The following DYRK1A variants were observed in gnomAD, a reference collection of about 807,000 sequenced individuals.
DYRK1A encodes the protein dual specificity tyrosine-phosphorylation-regulated kinase 1A.
In DYRK1A, 9 loss-of-function variants were observed where a neutral mutation model predicts 79.7. The observed-to-expected ratio is 0.11, with a 90% confidence interval of 0.07 to 0.20. The LOEUF is 0.20. Ranked by LOEUF, DYRK1A falls within the 10% of genes least tolerant of loss-of-function variation. The pLI, the probability that DYRK1A is intolerant of heterozygous loss-of-function variation, is 1.00. For synonymous variants in DYRK1A, 349 were observed against 329.7 expected (o/e 1.06, Z -0.63); for missense variants, 622 against 956.0 (o/e 0.65, Z 4.61).
At chr21:37,437,647 GTTCTT>G (rs2050964261) in intron 2 of DYRK1A, among the ~76,000 whole-genome samples, 1 of 152,052 alleles carries the variant, frequency 6.6e-6, no homozygotes, top group Non-Finnish European at 1.5e-5. Context: ...CCTGGTTTTA[GTTCTT>G]TTGAGAGTCA....
intron 2 of DYRK1A, among the ~76,000 whole-genome samples, chr21:37,464,750 A>G (rs191931588): frequency 5.3e-5 from 8 of 152,322 alleles, no homozygotes; most frequent in African/African-American, 9.6e-5. Context: ...TCAGAAATCT[A>G]TCAGCAGTTT....
intron 2 of DYRK1A, among the ~76,000 whole-genome samples, chr21:37,422,513 A>G (rs969855095): frequency 1.3e-5 from 2 of 152,108 alleles, no homozygotes; most frequent in Non-Finnish European, 2.9e-5. Context: ...GGCATTGTTC[A>G]TGGTACTGGC....
rs2052481365 is a variant in DYRK1A, at chr21:37,478,448, T to TAAAA, written c.300+149_300+150insAAAA. On this transcript the variant is annotated intron_variant, in intron 4 of 11. Transcript: ENST00000647188. ...AAGACTAATGATTTAGAAATAATAT[T>TAAAA]ACAATTATGTAAAAGATATATTAAC... 2.3e-5 allele frequency: 14 copies of TAAAA among 609,448 alleles called. No individual in the cohort carries two copies. In the South Asian group the frequency reaches 3.5e-4, roughly 15 times the overall value. The allele number at this position is 609,448 out of a possible 1,614,324, so 37.8% of individuals were successfully genotyped here.
At chr21:37,401,270 T>C (rs1000361028) in intron 1 of DYRK1A, among the ~76,000 whole-genome samples, 1 of 151,994 alleles carries the variant, frequency 6.6e-6, no homozygotes, top group Non-Finnish European at 1.5e-5. Context: ...ATGTAGTGTT[T>C]AAAAAAAAGA....
At chr21:37,449,199 T>A (rs748788683) in intron 2 of DYRK1A, among the ~76,000 whole-genome samples, 5 of 152,226 alleles carry the variant, frequency 3.3e-5, no homozygotes, top group African/African-American at 4.8e-5. Context: ...AAATGACATT[T>A]AATTATTTGT....
intron 11 of DYRK1A, among the ~76,000 whole-genome samples, chr21:37,507,316 C>G (rs996169221): frequency 6.6e-6 from 1 of 152,182 alleles, no homozygotes. Context: ...CCCTCAGCTC[C>G]GGTGTCTTCA....
At chr21:37,511,302 G>C (rs1462208873) in intron 11 of DYRK1A, among the ~76,000 whole-genome samples, 1 of 152,206 alleles carries the variant, frequency 6.6e-6, no homozygotes, top group East Asian at 1.9e-4. Flanking sequence ...GATTGGATTT[G>C]TGTTAAGAAA....
intron 2 of DYRK1A, among the ~76,000 whole-genome samples, chr21:37,449,043 C>T (rs554980121): frequency 1.2e-3 from 179 of 152,228 alleles, no homozygotes; most frequent in Non-Finnish European, 1.9e-3. Flanking sequence ...CATTTTTCCC[C>T]TGCTTTACTT....
intron 2 of DYRK1A, among the ~76,000 whole-genome samples, chr21:37,424,961 ATC>A (rs2050577120): frequency 6.6e-6 from 1 of 152,222 alleles, no homozygotes; most frequent in Non-Finnish European, 1.5e-5. Context: ...AAAAAGAAGA[ATC>A]TCTTATTTTG....
intron 2 of DYRK1A, chr21:37,421,779 A>G (rs1174350498): frequency 1.3e-5 from 2 of 152,104 alleles, no homozygotes; most frequent in East Asian, 1.9e-4. Flanking sequence ...TGCAGGAACT[A>G]TTTCTCAGCA....
intron 2 of DYRK1A, among the ~76,000 whole-genome samples, chr21:37,451,742 C>A (rs1040081196): frequency 4.6e-5 from 7 of 152,142 alleles, no homozygotes; most frequent in African/African-American, 1.7e-4. Flanking sequence ...ATGAAATCGC[C>A]TGACAGTGAA....
chr21:37,498,332 A>G (rs181984434), intron 9 of DYRK1A, among the ~76,000 whole-genome samples: 6 of 152,304 alleles, frequency 3.9e-5, no homozygotes, highest in African/African-American at 9.6e-5. Context: ...AAAGATTTCT[A>G]TCATTCCAAA....
rs553919234 is a variant in DYRK1A, at chr21:37,366,946, C to T, written c.-759C>T. ...CGCTGCTGCTGATCGCGGCCCAGGTCGGCCTCAGAGAGCGGACACCCCGAG... is the reference window on the plus strand; with the variant it reads ...CGCTGCTGCTGATCGCGGCCCAGGTTGGCCTCAGAGAGCGGACACCCCGAG... On this transcript the variant is annotated 5_prime_UTR_variant, in exon 1 of 12. Coordinates refer to ENST00000647188, the MANE Select transcript of DYRK1A (RefSeq NM_001347721.2). 2.0e-4 allele frequency: 32 copies of T among 156,636 alleles called. 1 individual carries two copies. The highest frequency in any genetic ancestry group is 5.1e-4 in the African/African-American group (21 of 41,570). 9.7% of individuals were successfully genotyped at this position (156,636 alleles called of 1,614,324 possible).
At chr21:37,391,818 C>A (rs190286332) in intron 1 of DYRK1A, among the ~76,000 whole-genome samples, 1 of 152,360 alleles carries the variant, frequency 6.6e-6, no homozygotes, top group East Asian at 1.9e-4. Context: ...GGCTCCTCTT[C>A]AGCTTTGCCT....
At chr21:37,492,088 G>T (rs571326059) in intron 7 of DYRK1A, among the ~76,000 whole-genome samples, 69 of 152,300 alleles carry the variant, frequency 4.5e-4, no homozygotes, top group African/African-American at 1.6e-3. Context: ...GTGAGTGTTT[G>T]GGCCTAGGGA....
chr21:37,513,369 T>G lies in DYRK1A; in HGVS notation c.*838T>G, dbSNP rs963191422. On this transcript the variant is annotated 3_prime_UTR_variant, in exon 12 of 12. Transcript: ENST00000647188. ...GTCTTTGGGATAACCTTTGGCCTTA[T>G]GGATTTGGACTCGAAATTAGAAGAG... The G allele has an allele frequency of 1.3e-5, 2 of 152,688 alleles. No individual in the cohort carries two copies. The highest frequency in any genetic ancestry group is 4.8e-5 in the African/African-American group (2 of 41,458). 9.5% of individuals were successfully genotyped at this position (152,688 alleles called of 1,614,324 possible). A position where few individuals can be genotyped will look rare whatever the true frequency, so the allele number is the denominator to read the frequency against.
chr21:37,469,511 A>G (rs1039978755), intron 2 of DYRK1A, among the ~76,000 whole-genome samples: 13 of 152,230 alleles, frequency 8.5e-5, no homozygotes, highest in African/African-American at 3.1e-4. Flanking sequence ...TGGGCAATTT[A>G]TAAAGAAAGG....
chr21:37,366,061 A>C (rs2049295556), upstream of DYRK1A: 1 of 151,106 alleles, frequency 6.6e-6, no homozygotes, highest in Non-Finnish European at 1.5e-5. Flanking sequence ...CGCCCCCACC[A>C]CGGCCTCCGC....
chr21:37,420,417 G>A (rs1324182075), intron 2 of DYRK1A, 33 bp downstream of exon 2: 2 of 1,607,530 alleles, frequency 1.2e-6, no homozygotes, highest in Non-Finnish European at 1.7e-6. Flanking sequence ...GTAAAACTCT[G>A]GCTAAGAGAA....
Sources: allele counts gnomAD v4.1 joint callset (sites outside exome capture counted in the v4.1 genomes callset), GRCh38; gene constraint gnomAD v4.1.1; transcripts MANE v1.5; gene names NCBI Gene and HGNC (gene_info 2026-07-23, HGNC 2026-07-21).